Variants in ZEB2 observed in about 807,000 individuals in gnomAD.
ZEB2 encodes the protein zinc finger E-box-binding homeobox 2.
A neutral mutation model predicts 99.9 loss-of-function variants in ZEB2; 6 were observed. The ratio of observed to expected loss-of-function variants is 0.06; its 90% CI spans 0.03 to 0.12. The LOEUF (loss-of-function observed/expected upper bound fraction) is 0.12. Ranked by LOEUF, ZEB2 falls within the 10% of genes least tolerant of loss-of-function variation. ZEB2 has a pLI of 1.00. For missense variants in ZEB2, 969 were observed against 1,502.8 expected (o/e 0.64, Z 5.87); for synonymous variants, 517 against 542.5 (o/e 0.95, Z 0.65).
At chr2:144,439,844 A>C (rs1023904019) in intron 2 of ZEB2, among the ~76,000 whole-genome samples, 2 of 152,256 alleles carry the variant, frequency 1.3e-5, no homozygotes, top group Non-Finnish European at 2.9e-5. Flanking sequence ...CGTACATATA[A>C]AATGATAGCT....
intron 2 of ZEB2, chr2:144,511,898 A>AT: frequency 7.8e-7 from 1 of 1,287,208 alleles, no homozygotes; most frequent in Non-Finnish European, 1.0e-6. Flanking sequence ...GCTAAAAAGC[A>AT]TATTTGGGCT....
intron 2 of ZEB2, chr2:144,504,577 T>G (rs901913703): frequency 6.6e-6 from 1 of 152,098 alleles, no homozygotes; most frequent in East Asian, 1.9e-4. Flanking sequence ...GGGAAAACCC[T>G]GAAACTGATG....
Position 144,387,033 on chromosome 2 carries a change from ATGTGTGTGTGTG to A in ZEB2, c.*2406_*2417del, listed in dbSNP as rs1192958696. 1.3e-5 allele frequency: 1 copy of A among 74,824 alleles called. No individual in the cohort carries two copies. Among genetic ancestry groups the A allele is most frequent in the African/African-American group, 4.7e-5 (1 of 21,434 alleles). 4.6% of individuals were successfully genotyped at this position (74,824 alleles called of 1,614,324 possible). On this transcript the variant is annotated 3_prime_UTR_variant, in exon 10 of 10. Transcript: ENST00000627532. ...TATCTTCATTACATCCTTTCTGTGT[ATGTGTGTGTGTG>A]TATATATATATATATATACACACAC...
intron 2 of ZEB2, among the ~76,000 whole-genome samples, chr2:144,457,782 T>G (rs1704140795): frequency 6.6e-6 from 1 of 152,160 alleles, no homozygotes. Flanking sequence ...CCATATTTAC[T>G]CTCATCTCCC....
intron 2 of ZEB2, among the ~76,000 whole-genome samples, chr2:144,486,912 T>C (rs145244590): frequency 1.3e-5 from 2 of 152,304 alleles, no homozygotes; most frequent in Non-Finnish European, 2.9e-5. Flanking sequence ...ATATTTCTGA[T>C]GATTTTGGGG....
At chr2:144,486,072 T>C (rs1335696871) in intron 2 of ZEB2, among the ~76,000 whole-genome samples, 4 of 152,238 alleles carry the variant, frequency 2.6e-5, no homozygotes, top group Non-Finnish European at 5.9e-5. Context: ...AATAGTGACA[T>C]ATATTTTTAC....
intron 4 of ZEB2, among the ~76,000 whole-genome samples, chr2:144,407,623 T>C (rs1362505567): frequency 1.3e-5 from 2 of 152,346 alleles, no homozygotes; most frequent in East Asian, 3.9e-4. Context: ...GGCAGAGCCA[T>C]GATGAATGTC....
intron 2 of ZEB2, among the ~76,000 whole-genome samples, chr2:144,508,321 G>T (rs1033471443): frequency 6.6e-6 from 1 of 152,112 alleles, no homozygotes; most frequent in Non-Finnish European, 1.5e-5. Context: ...TATAACTCAA[G>T]TTTAAAAATG....
chr2:144,403,275 AAG>A (rs1173750744), intron 6 of ZEB2, among the ~76,000 whole-genome samples: 1 of 152,204 alleles, frequency 6.6e-6, no homozygotes, highest in Non-Finnish European at 1.5e-5. Flanking sequence ...AGTAAGCAAA[AAG>A]AGGGGGAGTA....
At chr2:144,476,527 G>C (rs570475814) in intron 2 of ZEB2, among the ~76,000 whole-genome samples, 1 of 152,266 alleles carries the variant, frequency 6.6e-6, no homozygotes, top group South Asian at 2.1e-4. Context: ...AGAAGATCAG[G>C]AACACTGGGC....
chr2:144,493,879 G>A (rs1704719776), intron 2 of ZEB2, among the ~76,000 whole-genome samples: 1 of 152,072 alleles, frequency 6.6e-6, no homozygotes, highest in Admixed American at 6.5e-5. Context: ...ACGGCCAGGC[G>A]CAGTGGCTCA....
At chr2:144,430,157 TA>T in intron 2 of ZEB2, 131 bp from the exon 3 acceptor site, 2 of 1,307,202 alleles carry the variant, frequency 1.5e-6, no homozygotes, top group Non-Finnish European at 2.1e-6. Flanking sequence ...CAGGAAAATA[TA>T]ATTAATATCC....
chr2:144,488,733 T>C (rs1476379711), intron 2 of ZEB2, among the ~76,000 whole-genome samples: 3 of 151,372 alleles, frequency 2.0e-5, no homozygotes, highest in African/African-American at 4.9e-5. Flanking sequence ...AGACAAACTC[T>C]TGAAACAACT....
intron 2 of ZEB2, among the ~76,000 whole-genome samples, chr2:144,493,068 G>A (rs1704705545): frequency 6.6e-6 from 1 of 152,044 alleles, no homozygotes; most frequent in Admixed American, 6.6e-5. Flanking sequence ...AAAGTACCAT[G>A]TATATTTCCT....
At position 144,500,303 on chromosome 2, in the gene ZEB2, G is replaced by A. The variant is rs141107082; in HGVS notation, c.73+16975C>T. 1.6e-4 allele frequency among the ~76,000 whole-genome samples: 25 copies of A among 152,312 alleles called. No individual in the cohort carries two copies. In the East Asian group the frequency reaches 4.6e-3, roughly 28 times the overall value. On this transcript the variant is annotated intron_variant, in intron 2 of 9. Transcript: ENST00000627532. ...GATGTGAAAAAGAAGCAATTATAAT[G>A]TAGATGAATGATGATTTTTCTGCAT...
intron 2 of ZEB2, among the ~76,000 whole-genome samples, chr2:144,491,399 AG>A (rs1260893416): frequency 1.3e-5 from 2 of 151,950 alleles, no homozygotes; most frequent in Non-Finnish European, 1.5e-5. Flanking sequence ...TAATGAAAAA[AG>A]GGGGCACAAA....
In ZEB2 at chr2:144,517,559, C is replaced by T. The variant is rs1705178844; in HGVS notation, c.-69-140G>A. The T allele has an allele frequency of 6.0e-6, 4 of 665,850 alleles. No individual in the cohort carries two copies. In the Admixed American group the frequency reaches 6.8e-5, roughly 11 times the overall value. The allele number at this position is 665,850 out of a possible 1,614,324, so 41.2% of individuals were successfully genotyped here. A position where few individuals can be genotyped will look rare whatever the true frequency, so the allele number is the denominator to read the frequency against. On this transcript the variant is annotated intron_variant, in intron 1 of 9. Coordinates refer to ENST00000627532, the MANE Select transcript of ZEB2 (RefSeq NM_014795.4). ...CGCCAAAGCGAAACTTCGGCGGCCC[C>T]CTCCCCGCCCCCCACCCCCAGCCTT...
At chr2:144,511,240 C>T (rs529309591) in intron 2 of ZEB2, 2 of 303,850 alleles carry the variant, frequency 6.6e-6, no homozygotes, top group African/African-American at 2.3e-5. Context: ...ATGTGGGCTA[C>T]ATATATGCAT....
chr2:144,430,525 C>T (rs1462878112), intron 2 of ZEB2: 1 of 192,262 alleles, frequency 5.2e-6, no homozygotes, highest in Non-Finnish European at 1.2e-5. Flanking sequence ...AATACACAAA[C>T]ACATACACAA....
Sources: gnomAD v4.1 joint callset for allele counts (sites outside exome capture counted in the v4.1 genomes callset) on GRCh38, gnomAD v4.1.1 for gene constraint, MANE v1.5 for transcripts, NCBI Gene and HGNC (gene_info 2026-07-23, HGNC 2026-07-21) for gene names.